The following ZBTB20 variants were observed in gnomAD, a reference collection of about 807,000 sequenced individuals.
The protein encoded by ZBTB20 is zinc finger and BTB domain-containing protein 20.
A neutral mutation model predicts 56.9 loss-of-function variants in ZBTB20; 9 were observed. That is an observed-to-expected ratio of 0.16 (90% confidence interval 0.10 to 0.28). ZBTB20 has a LOEUF of 0.28. Among genes scored for constraint, ZBTB20 ranks in the 10% least tolerant of loss-of-function variants. The probability of loss-of-function intolerance (pLI) is 1.00; values close to 1 mark genes in which losing one functional copy is unlikely to be tolerated. For missense variants in ZBTB20, 655 were observed against 1,003.0 expected, an observed-to-expected ratio of 0.65 and a Z score of 4.69; for synonymous variants, 417 against 420.7, an observed-to-expected ratio of 0.99 and a Z score of 0.11.
chr3:114,881,652 T>G (rs558276823), intron 4 of ZBTB20, among the ~76,000 whole-genome samples: 2 of 152,016 alleles, frequency 1.3e-5, no homozygotes, highest in East Asian at 3.9e-4. Flanking sequence ...CAGGGATTGA[T>G]AAGTAATAAG....
chr3:114,778,244 TTAATAA>T (rs370933299), intron 5 of ZBTB20, among the ~76,000 whole-genome samples: 3,306 of 137,840 alleles, frequency 0.024, 51 homozygotes, highest in African/African-American at 0.035. Flanking sequence ...TTAAAGTATG[TTAATAA>T]TAATAATAAT....
chr3:114,978,374 T>C (rs916444778), intron 2 of ZBTB20, among the ~76,000 whole-genome samples: 5 of 150,222 alleles, frequency 3.3e-5, no homozygotes, highest in African/African-American at 4.9e-5. Flanking sequence ...AAAATACATA[T>C]GAAATAATAT....
rs2052549185 is a variant in ZBTB20 at position 114,565,012 on chromosome 3, C to G, written c.-294-64621G>C. 2.0e-5 allele frequency among the ~76,000 whole-genome samples: 3 copies of G among 152,142 alleles called. No individual in the cohort carries two copies. In the South Asian group the frequency reaches 6.2e-4, roughly 32 times the overall value. On this transcript the variant is annotated intron_variant, in intron 6 of 11. Coordinates refer to ENST00000675478, the MANE Select transcript of ZBTB20 (RefSeq NM_001348800.3). The stretch of plus-strand genomic sequence containing the variant: ...TCCATTGTTTCCAATGAACACTAAC[C>G]CTTAAACATTTAAGCCTCATCAGCA...
chr3:115,053,532 G>A (rs2081632575), intron 2 of ZBTB20, among the ~76,000 whole-genome samples: 1 of 152,158 alleles, frequency 6.6e-6, no homozygotes, highest in Non-Finnish European at 1.5e-5. Context: ...GGAATAGTGA[G>A]AGTACTTGCT....
At chr3:114,829,740 G>A (rs1027729117) in intron 4 of ZBTB20, among the ~76,000 whole-genome samples, 1 of 151,774 alleles carries the variant, frequency 6.6e-6, no homozygotes, top group African/African-American at 2.4e-5. Flanking sequence ...TAAAAGTGGC[G>A]TGCTATCCCA....
intron 7 of ZBTB20, among the ~76,000 whole-genome samples, chr3:114,412,034 G>A (rs79051210): frequency 0.024 from 3,670 of 152,162 alleles, 58 homozygotes; most frequent in South Asian, 0.059. Context: ...AAGAGGTCAG[G>A]GCAACTTCAG....
intron 6 of ZBTB20, among the ~76,000 whole-genome samples, chr3:114,682,360 C>A (rs982821349): frequency 6.6e-6 from 1 of 152,068 alleles, no homozygotes; most frequent in African/African-American, 2.4e-5. Context: ...TTCTACAATG[C>A]CTTTTGTATG....
chr3:115,036,928 G>A (rs1202711865), intron 2 of ZBTB20, among the ~76,000 whole-genome samples: 1 of 152,116 alleles, frequency 6.6e-6, no homozygotes, highest in Non-Finnish European at 1.5e-5. Flanking sequence ...TTAGCAGAGA[G>A]CATTCTAAAA....
rs149372316 is a variant in ZBTB20 at position 114,474,424 on chromosome 3, C to G, written c.-255+25928G>C. On this transcript the variant is annotated intron_variant, in intron 7 of 11. Coordinates refer to ENST00000675478, the MANE Select transcript of ZBTB20 (RefSeq NM_001348800.3). ...TAAGAACAAACAAAGTGAAAAAGAC[C>G]TGCAAGCAGCCAAAATTGGTACTAA... is the stretch of plus-strand genomic sequence containing the variant. Among the ~76,000 whole-genome samples, 221 of 152,330 alleles carry G rather than the reference C, an allele frequency of 1.5e-3. 1 individual carries two copies. The highest frequency in any genetic ancestry group is 5.1e-3 in the African/African-American group (211 of 41,564).
intron 6 of ZBTB20, among the ~76,000 whole-genome samples, chr3:114,502,534 T>G (rs771714980): frequency 1.3e-5 from 2 of 152,172 alleles, no homozygotes; most frequent in African/African-American, 2.4e-5. Flanking sequence ...TGCTTTCAAA[T>G]TGTTTCACAA....
intron 7 of ZBTB20, among the ~76,000 whole-genome samples, chr3:114,450,105 C>T (rs1425777166): frequency 2.6e-5 from 4 of 152,148 alleles, no homozygotes; most frequent in Admixed American, 1.3e-4. Context: ...CTAAACTCAG[C>T]TCTCGCCTTT....
chr3:114,795,248 T>C lies in ZBTB20; in HGVS notation c.-343+5853A>G, dbSNP rs576491357. Among the ~76,000 whole-genome samples, 3 of 152,256 alleles carry C rather than the reference T, an allele frequency of 2.0e-5. No individual in the cohort carries two copies. The South Asian group carries it at 6.2e-4, about 32-fold the overall frequency. Reference sequence around the variant, plus strand: ...AATAAATGTATGGATTTTGTTAGCATGTGTATATTATTTACCTTTGAATTA... The same window carrying C: ...AATAAATGTATGGATTTTGTTAGCACGTGTATATTATTTACCTTTGAATTA... On this transcript the variant is annotated intron_variant, in intron 5 of 11. Transcript: ENST00000675478.
chr3:114,707,060 C>T (rs1183424331), intron 5 of ZBTB20, among the ~76,000 whole-genome samples: 1 of 152,074 alleles, frequency 6.6e-6, no homozygotes, highest in East Asian at 1.9e-4. Context: ...GCCCAGGGTG[C>T]AGCATAAATC....
chr3:114,425,094 G>A (rs182864711), intron 7 of ZBTB20, among the ~76,000 whole-genome samples: 3 of 149,082 alleles, frequency 2.0e-5, no homozygotes, highest in South Asian at 2.1e-4. Context: ...ATACTTAGTA[G>A]GCAACAAGGT....
chr3:114,550,477 G>C (rs946484779), intron 6 of ZBTB20, among the ~76,000 whole-genome samples: 1 of 152,180 alleles, frequency 6.6e-6, no homozygotes, highest in Non-Finnish European at 1.5e-5. Flanking sequence ...GAGTAAGCCT[G>C]ATGCCAGACA....
At chr3:114,977,881 ACAACTGTAGTCC>A (rs1325223344) in intron 2 of ZBTB20, among the ~76,000 whole-genome samples, 1 of 151,880 alleles carries the variant, frequency 6.6e-6, no homozygotes, top group Non-Finnish European at 1.5e-5. Context: ...ATGGTGGTGC[ACAACTGTAGTCC>A]CAGCTACTCA....
At chr3:114,916,371 A>G (rs2075745488) in intron 3 of ZBTB20, among the ~76,000 whole-genome samples, 1 of 152,048 alleles carries the variant, frequency 6.6e-6, no homozygotes, top group African/African-American at 2.4e-5. Context: ...GTATATTTCA[A>G]GTATACTTCC....
At chr3:114,871,243 G>T (rs2075998251) in intron 4 of ZBTB20, among the ~76,000 whole-genome samples, 1 of 152,026 alleles carries the variant, frequency 6.6e-6, no homozygotes, top group African/African-American at 2.4e-5. Flanking sequence ...ACCAATCACA[G>T]GAGTTAACTT....
intron 6 of ZBTB20, among the ~76,000 whole-genome samples, chr3:114,607,327 A>G (rs1577919037): frequency 1.4e-5 from 2 of 143,026 alleles, no homozygotes; most frequent in Admixed American, 7.1e-5. Context: ...TTTGAGACAG[A>G]GTTTTGCTCT....
Sources: allele counts gnomAD v4.1 joint callset (sites outside exome capture counted in the v4.1 genomes callset), GRCh38; gene constraint gnomAD v4.1.1; transcripts MANE v1.5; gene names NCBI Gene and HGNC (gene_info 2026-07-23, HGNC 2026-07-21).